Variants in LRBA observed in about 807,000 individuals in gnomAD.
LRBA encodes lipopolysaccharide-responsive and beige-like anchor protein.
Under a neutral mutation model 330.0 loss-of-function variants are expected in LRBA, and 176 were observed. The ratio of observed to expected loss-of-function variants is 0.53; its 90% CI spans 0.47 to 0.60. The LOEUF is 0.60. Ranked by LOEUF, LRBA falls within the 20% of genes least tolerant of loss-of-function variation. LRBA has a pLI of 0.00. For synonymous variants in LRBA, 1,230 were observed against 1,193.0 expected (o/e 1.03, Z -0.64); for missense variants, 3,259 against 3,444.8 (o/e 0.95, Z 1.35).
chr4:150,492,477 G>T (rs1759083348), intron 40 of LRBA, among the ~76,000 whole-genome samples: 2 of 152,192 alleles, frequency 1.3e-5, no homozygotes, highest in African/African-American at 4.8e-5. Context: ...TACTCTCAGA[G>T]ATTGCATGTA....
In LRBA at chr4:150,893,056, A is replaced by G. The variant is rs952344164; in HGVS notation, c.2161T>C (p.Leu721=). ...AAATAGATTAAAAACTCTTACCGTA[A>G]CCCATTCCTTTGGTCAAAAGCAGGA... ...MIPAFDQRNG[L]RVIYKLLASK... Residue 721 remains leucine (L), a synonymous_variant, in exon 17 of 57, where the codon TTA becomes CTA. Transcript: ENST00000651943. The G allele has an allele frequency of 1.2e-6, 2 of 1,601,268 alleles. No individual in the cohort carries two copies. Among genetic ancestry groups the G allele is most frequent in the Non-Finnish European group, 1.7e-6 (2 of 1,170,788 alleles).
intron 42 of LRBA, among the ~76,000 whole-genome samples, chr4:150,476,791 G>C (rs1756760751): frequency 6.6e-6 from 1 of 152,108 alleles, no homozygotes; most frequent in African/African-American, 2.4e-5. Context: ...ATATATTTTT[G>C]TTACGGCTTA....
intron 34 of LRBA, among the ~76,000 whole-genome samples, chr4:150,764,984 C>T (rs1735561731): frequency 2.6e-5 from 4 of 151,808 alleles, no homozygotes; most frequent in South Asian, 2.1e-4. Flanking sequence ...TTTATAGCAG[C>T]TTTATTCATA....
At chr4:150,390,972 A>T (rs1358120585) in intron 47 of LRBA, among the ~76,000 whole-genome samples, 1 of 152,144 alleles carries the variant, frequency 6.6e-6, no homozygotes, top group African/African-American at 2.4e-5. Flanking sequence ...CCTTTTAGCA[A>T]TAGACCCATC....
chr4:150,780,786 G>C (rs1051450883), intron 34 of LRBA, among the ~76,000 whole-genome samples: 1 of 151,494 alleles, frequency 6.6e-6, no homozygotes, highest in African/African-American at 2.4e-5. Context: ...CCAGTTTCAT[G>C]GAAGACAATT....
intron 2 of LRBA, among the ~76,000 whole-genome samples, chr4:150,997,785 C>A (rs971510495): frequency 6.6e-6 from 1 of 151,786 alleles, no homozygotes; most frequent in Non-Finnish European, 1.5e-5. Context: ...CTTACTGCAA[C>A]CTCCGTCTCC....
intron 37 of LRBA, among the ~76,000 whole-genome samples, chr4:150,659,049 C>T (rs1318265955): frequency 2.3e-5 from 3 of 130,312 alleles, no homozygotes; most frequent in Non-Finnish European, 3.4e-5. Flanking sequence ...AGTGCAGTGG[C>T]GTGATCTCGG....
At chr4:150,982,842 T>C (rs1366598855) in intron 2 of LRBA, among the ~76,000 whole-genome samples, 1 of 152,218 alleles carries the variant, frequency 6.6e-6, no homozygotes, top group Non-Finnish European at 1.5e-5. Flanking sequence ...ATAAATTCAC[T>C]GAGCTGGGAC....
chr4:150,682,698 C>T lies in LRBA; in HGVS notation c.5921+853G>A, dbSNP rs192472246. ...ATAGACACATAAGTTGATTAAAACACAAATGGAAGCAAATTACACTCTTAT... is the reference window on the plus strand; with the variant it reads ...ATAGACACATAAGTTGATTAAAACATAAATGGAAGCAAATTACACTCTTAT... On this transcript the variant is annotated intron_variant, in intron 37 of 56. Transcript: ENST00000651943. 4.2e-3 allele frequency among the ~76,000 whole-genome samples: 635 copies of T among 152,100 alleles called. 4 individuals are homozygous for T. Among genetic ancestry groups the T allele is most frequent in the African/African-American group, 0.015 (614 of 41,530 alleles).
chr4:150,303,372 G>A (rs1014450966), intron 52 of LRBA, among the ~76,000 whole-genome samples: 2 of 152,106 alleles, frequency 1.3e-5, no homozygotes, highest in African/African-American at 4.8e-5. Flanking sequence ...AATATATTGT[G>A]ATTGCAATTT....
At chr4:150,591,596 G>C (rs1458069662) in intron 38 of LRBA, among the ~76,000 whole-genome samples, 4 of 152,252 alleles carry the variant, frequency 2.6e-5, no homozygotes, top group East Asian at 1.9e-4. Flanking sequence ...TTAAACTAAA[G>C]GGCTAAGGCA....
In LRBA at chr4:150,806,368, T is replaced by A. The variant is rs1464899218; in HGVS notation, c.5421A>T (p.Ala1807=). ...CAAAAATCTCACGAAGGAGAGGAGCTGCCTTTTCCAAAGCGTGTTCAAGCC... is the reference window on the plus strand; with the variant it reads ...CAAAAATCTCACGAAGGAGAGGAGCAGCCTTTTCCAAAGCGTGTTCAAGCC... The part of the protein sequence containing the change: ...TERLEHALEK[A]APLLREIFVD... The change falls in exon 33 of 57, where the codon GCA becomes GCT. Residue 1807 remains alanine (A), a synonymous_variant. Transcript: ENST00000651943. 1.2e-6 allele frequency: 2 copies of A among 1,610,392 alleles called. No homozygotes were observed.
chr4:150,432,411 A>G (rs1750514275), intron 46 of LRBA, among the ~76,000 whole-genome samples: 1 of 144,898 alleles, frequency 6.9e-6, no homozygotes, highest in Admixed American at 7.0e-5. Flanking sequence ...TGAATGAAAT[A>G]TTTACATATA....
intron 9 of LRBA, among the ~76,000 whole-genome samples, chr4:150,909,397 C>A (rs1483719712): frequency 6.6e-6 from 1 of 152,156 alleles, no homozygotes; most frequent in Admixed American, 6.6e-5. Context: ...GTGACCCAAG[C>A]ATTTCATTTA....
chr4:150,832,037 C>T (rs1418916382), intron 28 of LRBA, 61 bp from the exon 29 acceptor site: 3 of 998,462 alleles, frequency 3.0e-6, no homozygotes, highest in Non-Finnish European at 4.2e-6. Context: ...TTATATTTTA[C>T]ATCACAATGT....
chr4:150,713,706 C>A (rs1264818084), intron 36 of LRBA, among the ~76,000 whole-genome samples: 1 of 152,094 alleles, frequency 6.6e-6, no homozygotes, highest in Admixed American at 6.6e-5. Flanking sequence ...GCCTGAGATA[C>A]CGTAAGTGAT....
Position 151,004,061 on chromosome 4 carries a change from G to A in LRBA, c.216+10366C>T, listed in dbSNP as rs143659135. Among the ~76,000 whole-genome samples the A allele has an allele frequency of 6.8e-3, 1,041 of 152,098 alleles. 6 individuals are homozygous for A. Among genetic ancestry groups the A allele is most frequent in the Non-Finnish European group, 0.011 (729 of 68,012 alleles). On this transcript the variant is annotated intron_variant, in intron 2 of 56. Coordinates refer to ENST00000651943, the MANE Select transcript of LRBA (RefSeq NM_001364905.1). ...AGCCTCTCCAGTAGCTGGGATTACA[G>A]GCATACACCACGATGCCAGGCCAAT...
intron 22 of LRBA, among the ~76,000 whole-genome samples, chr4:150,857,768 T>C (rs1043345590): frequency 6.6e-6 from 1 of 152,128 alleles, no homozygotes; most frequent in Non-Finnish European, 1.5e-5. Flanking sequence ...TGCCAGAATA[T>C]AAAAAGAAAA....
intron 36 of LRBA, among the ~76,000 whole-genome samples, chr4:150,718,183 G>A (rs1481363021): frequency 6.6e-6 from 1 of 151,812 alleles, no homozygotes; most frequent in Non-Finnish European, 1.5e-5. Flanking sequence ...GAACCTCTCT[G>A]TAAACCAAAA....
Sources: allele counts gnomAD v4.1 joint callset (sites outside exome capture counted in the v4.1 genomes callset), GRCh38; gene constraint gnomAD v4.1.1; transcripts MANE v1.5; gene names NCBI Gene and HGNC (gene_info 2026-07-23, HGNC 2026-07-21).